The following CPS1 variants were observed in gnomAD, a reference collection of about 807,000 sequenced individuals.
CPS1 encodes the protein carbamoyl-phosphate synthase 1, also known as carbamoyl-phosphate synthase [ammonia], mitochondrial.
CPS1 carries 109 observed loss-of-function variants against 174.6 expected under a neutral mutation model. That is an observed-to-expected ratio of 0.62 (90% confidence interval 0.53 to 0.73). The LOEUF is 0.73. Ranked by LOEUF, CPS1 falls within the 30% of genes least tolerant of loss-of-function variation. The probability of loss-of-function intolerance (pLI) is 0.00; values close to 1 mark genes in which losing one functional copy is unlikely to be tolerated. For missense variants in CPS1, 1,689 were observed against 1,821.9 expected (o/e 0.93, Z 1.33); for synonymous variants, 637 against 632.0 (o/e 1.01, Z -0.12).
In CPS1 at chr2:210,638,697, C is replaced by G. The variant is rs572485112; in HGVS notation, c.2830-453C>G. 1.2e-4 allele frequency among the ~76,000 whole-genome samples: 18 copies of G among 152,284 alleles called. No homozygotes were observed. The South Asian group carries it at 3.7e-3, about 32-fold the overall frequency. ...GAGATCTTGTTCTCCCCCCGTTCAT[C>G]CCCTATGGCTTTATGGTAGTTGTGT... On this transcript the variant is annotated intron_variant, in intron 22 of 37. Coordinates refer to ENST00000233072, the MANE Select transcript of CPS1 (RefSeq NM_001875.5).
At chr2:210,540,216 G>T (rs1178529893) in intron 1 of CPS1, among the ~76,000 whole-genome samples, 1 of 152,124 alleles carries the variant, frequency 6.6e-6, no homozygotes, top group African/African-American at 2.4e-5. Context: ...CCGTTGCCTT[G>T]CCAGAAGATA....
chr2:210,660,648 C>T lies in CPS1; in HGVS notation c.3920C>T (p.Ala1307Val). 6.2e-7 allele frequency: 1 copy of T among 1,613,870 alleles called. No individual in the cohort carries two copies. The highest frequency in any genetic ancestry group is 8.5e-7 in the Non-Finnish European group (1 of 1,179,838). ...CCCATAATTCCTGCTGACTATGTTGCAATTAAGGTAACATTTTCAAAAATT... is the reference window on the plus strand; with the variant it reads ...CCCATAATTCCTGCTGACTATGTTGTAATTAAGGTAACATTTTCAAAAATT... Reference protein sequence around the residue: ...DHPIIPADYVAIKAPMFSWPR... With the variant: ...DHPIIPADYVVIKAPMFSWPR... Residue 1307 changes from alanine to valine, a missense_variant, in exon 32 of 38, where the codon GCA becomes GTA. Coordinates refer to ENST00000233072, the MANE Select transcript of CPS1 (RefSeq NM_001875.5).
intron 1 of CPS1, among the ~76,000 whole-genome samples, chr2:210,497,015 A>G (rs1385099133): frequency 1.3e-5 from 2 of 152,194 alleles, no homozygotes; most frequent in Non-Finnish European, 2.9e-5. Flanking sequence ...TTAACTGATT[A>G]TATCTTTCCT....
At chr2:210,510,414 C>A (rs1695430238) in intron 1 of CPS1, among the ~76,000 whole-genome samples, 1 of 152,092 alleles carries the variant, frequency 6.6e-6, no homozygotes, top group African/African-American at 2.4e-5. Flanking sequence ...AGACCTAAAA[C>A]CATAAAAACC....
At chr2:210,600,273 T>C (rs1303176604) in intron 14 of CPS1, among the ~76,000 whole-genome samples, 1 of 151,878 alleles carries the variant, frequency 6.6e-6, no homozygotes, top group Non-Finnish European at 1.5e-5. Context: ...AAAGGGAATA[T>C]ATTGAAATCT....
chr2:210,592,727 A>G, intron 10 of CPS1, 152 bp from the exon 11 acceptor site: 1 of 720,066 alleles, frequency 1.4e-6, no homozygotes, highest in Non-Finnish European at 2.5e-6. Flanking sequence ...ATATCGGACC[A>G]TGTTACTTAA....
chr2:210,523,073 C>T (rs1488692373), intron 1 of CPS1, among the ~76,000 whole-genome samples: 1 of 151,854 alleles, frequency 6.6e-6, no homozygotes, highest in Non-Finnish European at 1.5e-5. Context: ...AAGTCCTGGC[C>T]CTAACACTAA....
At chr2:210,514,318 T>C (rs180721132) in intron 1 of CPS1, among the ~76,000 whole-genome samples, 12 of 152,178 alleles carry the variant, frequency 7.9e-5, no homozygotes, top group Non-Finnish European at 1.6e-4. Flanking sequence ...TCCATGAACA[T>C]AAAATGTTTT....
intron 1 of CPS1, among the ~76,000 whole-genome samples, chr2:210,507,373 G>C (rs1695317295): frequency 6.6e-6 from 1 of 152,112 alleles, no homozygotes; most frequent in Non-Finnish European, 1.5e-5. Context: ...AGCTCCTGAA[G>C]GAAGCACTAA....
intron 28 of CPS1, among the ~76,000 whole-genome samples, chr2:210,653,183 A>C (rs528050235): frequency 6.6e-6 from 1 of 152,168 alleles, no homozygotes; most frequent in Non-Finnish European, 1.5e-5. Flanking sequence ...GAAGAGACAC[A>C]TGGAAGCAAG....
At position 210,668,895 on chromosome 2, in the gene CPS1, A is replaced by G. The variant is rs1701196256; in HGVS notation, c.4101+611A>G. ...CATCTCCCCTTCCTTCCTTTCATTC[A>G]TTCAGTCCTTCACATTTCAATCACT... On this transcript the variant is annotated intron_variant, in intron 34 of 37. Coordinates refer to ENST00000233072, the MANE Select transcript of CPS1 (RefSeq NM_001875.5). Among the ~76,000 whole-genome samples, 3 of 152,086 alleles carry G rather than the reference A, an allele frequency of 2.0e-5. No homozygotes were observed. In the South Asian group the frequency reaches 6.2e-4, roughly 32 times the overall value.
At chr2:210,600,829 C>A in intron 15 of CPS1, 117 bp downstream of exon 15, 9 of 1,169,786 alleles carry the variant, frequency 7.7e-6, no homozygotes, top group Non-Finnish European at 1.1e-5. Flanking sequence ...GCATTTTCTT[C>A]TAGAATTGTG....
At chr2:210,554,145 GTATA>G (rs1553506828), upstream of CPS1, among the ~76,000 whole-genome samples, 2 of 108,954 alleles carry the variant, frequency 1.8e-5, no homozygotes, top group Non-Finnish European at 4.0e-5. Flanking sequence ...ATATATATAT[GTATA>G]TATACACACA....
intron 1 of CPS1, among the ~76,000 whole-genome samples, chr2:210,501,142 A>C (rs1209425468): frequency 6.6e-6 from 1 of 152,074 alleles, no homozygotes; most frequent in Non-Finnish European, 1.5e-5. Flanking sequence ...CCAAGTCTCT[A>C]GGCTGCACAC....
At chr2:210,481,350 A>G (rs927143038) in intron 1 of CPS1, among the ~76,000 whole-genome samples, 1 of 152,182 alleles carries the variant, frequency 6.6e-6, no homozygotes, top group Non-Finnish European at 1.5e-5. Flanking sequence ...GCAGGTCCCC[A>G]TTTCTCTATA....
At chr2:210,644,529 T>C (rs959077184) in intron 25 of CPS1, among the ~76,000 whole-genome samples, 2 of 152,164 alleles carry the variant, frequency 1.3e-5, no homozygotes, top group Non-Finnish European at 2.9e-5. Flanking sequence ...AGCATCATCC[T>C]TCTCATTGGC....
At chr2:210,480,219 G>A (rs1694522659) in intron 1 of CPS1, among the ~76,000 whole-genome samples, 1 of 152,140 alleles carries the variant, frequency 6.6e-6, no homozygotes, top group Non-Finnish European at 1.5e-5. Flanking sequence ...CTTGTGAGAA[G>A]GTCAGGCACA....
At position 210,666,529 on chromosome 2, in the gene CPS1, G is replaced by T. The variant is rs868641894; in HGVS notation, c.4003-1657G>T. Among the ~76,000 whole-genome samples the T allele has an allele frequency of 2.5e-3, 385 of 152,242 alleles. 3 individuals carry two copies. Among genetic ancestry groups the T allele is most frequent in the South Asian group, 0.013 (62 of 4,818 alleles). ...TAAGGTGTAAGGAAGGGATCCAGTT[G>T]CAGCTTTCTACGTATGGTTAGCCAG... On this transcript the variant is annotated intron_variant, in intron 33 of 37. Transcript: ENST00000233072.
chr2:210,665,691 T>C (rs2105929388), intron 33 of CPS1, among the ~76,000 whole-genome samples: 1 of 151,636 alleles, frequency 6.6e-6, no homozygotes, highest in East Asian at 1.9e-4. Context: ...TTCCATGGTA[T>C]ATATGTGCCA....
Sources: allele counts gnomAD v4.1 joint callset (sites outside exome capture counted in the v4.1 genomes callset), GRCh38; gene constraint gnomAD v4.1.1; transcripts MANE v1.5; gene names NCBI Gene and HGNC (gene_info 2026-07-23, HGNC 2026-07-21).